Variants in PAK1 observed in about 807,000 individuals in gnomAD.
PAK1 encodes the protein serine/threonine-protein kinase PAK 1.
A neutral mutation model predicts 67.4 loss-of-function variants in PAK1; 29 were observed. The observed-to-expected ratio is 0.43, with a 90% CI of 0.32 to 0.59. The LOEUF (loss-of-function observed/expected upper bound fraction) is 0.59. Ranked by LOEUF, PAK1 falls within the 20% of genes least tolerant of loss-of-function variation. The pLI is 0.07. For missense variants in PAK1, 337 were observed against 670.7 expected, an observed-to-expected ratio of 0.50 and a Z score of 5.50; for synonymous variants, 223 against 237.4, an observed-to-expected ratio of 0.94 and a Z score of 0.56.
intron 14 of PAK1, among the ~76,000 whole-genome samples, chr11:77,330,825 A>C (rs562279174): frequency 6.6e-6 from 1 of 152,318 alleles, no homozygotes; most frequent in East Asian, 1.9e-4. Flanking sequence ...CAGCAAAAGA[A>C]ACCACCATCA....
chr11:77,460,310 G>A (rs1349918270), intron 1 of PAK1, among the ~76,000 whole-genome samples: 1 of 143,650 alleles, frequency 7.0e-6, no homozygotes, highest in East Asian at 2.0e-4. Context: ...GTGGCTATAA[G>A]GTTTTTTGTT....
intron 14 of PAK1, among the ~76,000 whole-genome samples, chr11:77,326,076 C>T (rs1939753314): frequency 6.6e-6 from 1 of 152,166 alleles, no homozygotes; most frequent in African/African-American, 2.4e-5. Flanking sequence ...TGCATGCCTT[C>T]ATAAAGTTGC....
In PAK1 at chr11:77,468,815, A is replaced by C. The variant is rs537717796; in HGVS notation, c.-22+4737T>G. On this transcript the variant is annotated intron_variant, in intron 1 of 14. Transcript: ENST00000356341. ...TGGCAAAGTAAAGTACTACACTTAG[A>C]ATTTTAAAATGTGGTTTAAAATCAA... Among the ~76,000 whole-genome samples the C allele has an allele frequency of 1.0e-3, 154 of 152,274 alleles. 2 individuals carry two copies. In the South Asian group the frequency reaches 0.03, roughly 30 times the overall value.
At chr11:77,461,500 C>A (rs1236691415) in intron 1 of PAK1, among the ~76,000 whole-genome samples, 3 of 152,178 alleles carry the variant, frequency 2.0e-5, no homozygotes, top group African/African-American at 7.2e-5. Flanking sequence ...TCCAGTAGAA[C>A]ATTGACTGAC....
At chr11:77,374,073 C>T (rs563394018) in intron 5 of PAK1, among the ~76,000 whole-genome samples, 5 of 152,194 alleles carry the variant, frequency 3.3e-5, no homozygotes, top group East Asian at 1.9e-4. Context: ...GAACATTTTA[C>T]GACTATTATG....
At chr11:77,441,420 CT>C (rs1017994138) in intron 1 of PAK1, among the ~76,000 whole-genome samples, 23 of 152,272 alleles carry the variant, frequency 1.5e-4, no homozygotes, top group African/African-American at 4.3e-4. Context: ...GGTTTCCAAG[CT>C]TTTTTGTAAA....
chr11:77,482,062 C>T, the PAK1 span, among the ~76,000 whole-genome samples: 103 of 152,118 alleles, frequency 6.8e-4, no homozygotes, highest in Middle Eastern at 3.4e-3. Flanking sequence ...GATCTTGGCT[C>T]ACTGCAAGCT....
chr11:77,520,277 C>T, the PAK1 span, among the ~76,000 whole-genome samples: 10 of 152,110 alleles, frequency 6.6e-5, no homozygotes, highest in Non-Finnish European at 1.2e-4. Context: ...CTTCCTGTGA[C>T]GGGGCACTCT....
rs765093392 is a variant in PAK1, at chr11:77,332,781, G to A, written c.1500C>T (p.Arg500=). The A allele has an allele frequency of 2.1e-5, 34 of 1,613,780 alleles. No individual in the cohort carries two copies. Among genetic ancestry groups the A allele is most frequent in the Non-Finnish European group, 2.9e-5 (34 of 1,179,800 alleles). The change falls in exon 14 of 15, where the codon CGC becomes CGT. Residue 500 remains arginine, a synonymous_variant. Coordinates refer to ENST00000356341, the MANE Select transcript of PAK1 (RefSeq NM_002576.5). ...TCTTCTCCACATCCATCTCGAGACA[G>A]CGGTTCAGAAAGTCCCGGAAGATAG... The part of the protein sequence containing the change: ...LSAIFRDFLN[R]CLEMDVEKRG...
chr11:77,509,743 C>T, the PAK1 span, among the ~76,000 whole-genome samples: 2 of 152,128 alleles, frequency 1.3e-5, no homozygotes, highest in Non-Finnish European at 2.9e-5. Flanking sequence ...GCACCTCCCA[C>T]CACACTCACT....
intron 8 of PAK1, chr11:77,349,504 G>T: frequency 1.8e-6 from 1 of 550,866 alleles, no homozygotes; most frequent in Non-Finnish European, 3.3e-6. Context: ...ATTCCAACCT[G>T]GTACTTCTAC....
the PAK1 span, among the ~76,000 whole-genome samples, chr11:77,490,018 GGCC>G: frequency 6.7e-6 from 1 of 149,888 alleles, no homozygotes; most frequent in Non-Finnish European, 1.5e-5. Flanking sequence ...GCCTCTTCCC[GGCC>G]GCCATCCCAT....
chr11:77,360,102 G>C (rs192662540), intron 5 of PAK1, among the ~76,000 whole-genome samples: 50 of 152,266 alleles, frequency 3.3e-4, no homozygotes, highest in African/African-American at 1.2e-3. Flanking sequence ...AGCCTCCTAA[G>C]AGGAAGGTCC....
the PAK1 span, among the ~76,000 whole-genome samples, chr11:77,522,368 GC>G: frequency 6.6e-6 from 1 of 152,200 alleles, no homozygotes; most frequent in Non-Finnish European, 1.5e-5. Context: ...TTCCCAAGGA[GC>G]TTTTCTTAGT....
At chr11:77,367,195 A>G (rs1245050903) in intron 5 of PAK1, among the ~76,000 whole-genome samples, 1 of 152,220 alleles carries the variant, frequency 6.6e-6, no homozygotes, top group Non-Finnish European at 1.5e-5. Context: ...TGGGAGTTTG[A>G]ATGAATGGTA....
chr11:77,448,807 T>C (rs1189265109), intron 1 of PAK1, among the ~76,000 whole-genome samples: 5 of 152,140 alleles, frequency 3.3e-5, no homozygotes, highest in African/African-American at 4.8e-5. Flanking sequence ...CAAAGTGGTA[T>C]AATAGGCAAA....
intron 6 of PAK1, among the ~76,000 whole-genome samples, chr11:77,357,021 C>T (rs748011296): frequency 4.6e-5 from 7 of 152,132 alleles, no homozygotes; most frequent in African/African-American, 1.7e-4. Flanking sequence ...GTGAGTTCCT[C>T]CATCTAACCA....
At chr11:77,426,112 G>T (rs1490009763) in intron 1 of PAK1, among the ~76,000 whole-genome samples, 2 of 134,302 alleles carry the variant, frequency 1.5e-5, no homozygotes. Context: ...ACACCACACG[G>T]CCCTCTCCTA....
chr11:77,356,435 G>GTCCA (rs1946051787), intron 6 of PAK1: 1 of 152,224 alleles, frequency 6.6e-6, no homozygotes, highest in Non-Finnish European at 1.5e-5. Context: ...AGGTAGTAGA[G>GTCCA]TGTGATGATT....
Sources: allele counts gnomAD v4.1 joint callset (sites outside exome capture counted in the v4.1 genomes callset), GRCh38; gene constraint gnomAD v4.1.1; transcripts MANE v1.5; gene names NCBI Gene and HGNC (gene_info 2026-07-23, HGNC 2026-07-21).